Variants in MKI67 observed in about 807,000 individuals in gnomAD.
The protein encoded by MKI67 is proliferation marker protein Ki-67.
In MKI67, 152 loss-of-function variants were observed where a neutral mutation model predicts 233.5. The observed-to-expected ratio is 0.65, with a 90% CI of 0.57 to 0.74. The LOEUF is 0.74. MKI67 is among the 30% of genes least tolerant of loss of function. MKI67 has a pLI of 0.00. For missense variants in MKI67, 3,940 were observed against 3,885.2 expected (o/e 1.01, Z -0.37); for synonymous variants, 1,465 against 1,418.5 (o/e 1.03, Z -0.74).
At chr10:128,118,412 A>AC (rs1244405320) in intron 5 of MKI67, among the ~76,000 whole-genome samples, 1 of 151,904 alleles carries the variant, frequency 6.6e-6, no homozygotes, top group Non-Finnish European at 1.5e-5. Context: ...AAAAAAAAAA[A>AC]AAAAGGCAGA....
chr10:128,114,662 T>C lies in MKI67; in HGVS notation c.1480+266A>G, dbSNP rs972908321. On this transcript the variant is annotated intron_variant, in intron 7 of 14. Coordinates refer to ENST00000368654, the MANE Select transcript of MKI67 (RefSeq NM_002417.5). ...ATAGATGGAGGAGAATCAAATATTT[T>C]TGGGGCCACCCTATCTCCTTCAATA... Among the ~76,000 whole-genome samples, 11 of 152,258 alleles carry C rather than the reference T, an allele frequency of 7.2e-5. No individual in the cohort carries two copies. The East Asian group carries it at 1.3e-3, about 19-fold the overall frequency.
At position 128,111,491 on chromosome 10, in the gene MKI67, A is replaced by G; in HGVS notation, c.2260+154T>C. 14 of 699,930 alleles carry G rather than the reference A, an allele frequency of 2.0e-5. No individual in the cohort carries two copies. In the South Asian group the frequency reaches 3.2e-4, roughly 16 times the overall value. The allele number at this position is 699,930 out of a possible 1,614,324, so 43.4% of individuals were successfully genotyped here. A position where few individuals can be genotyped will look rare whatever the true frequency, so the allele number is the denominator to read the frequency against. ...TGTCTTTGCAAGCCAAAACAGCTTT[A>G]TCTTCCCTGAACACTAAGACCCCAG... On this transcript the variant is annotated intron_variant, in intron 11 of 14. Coordinates refer to ENST00000368654, the MANE Select transcript of MKI67 (RefSeq NM_002417.5).
At chr10:128,117,175 A>T (rs1296199256) in intron 5 of MKI67, among the ~76,000 whole-genome samples, 2 of 152,224 alleles carry the variant, frequency 1.3e-5, no homozygotes. Context: ...AACCAAAGTC[A>T]ATATTAAACA....
At position 128,106,845 on chromosome 10, in the gene MKI67, C is replaced by T. The variant is rs776098988; in HGVS notation, c.4995G>A (p.Glu1665=). The T allele has an allele frequency of 1.9e-5, 31 of 1,613,892 alleles. No homozygotes were observed. Among genetic ancestry groups the T allele is most frequent in the Non-Finnish European group, 2.5e-5 (30 of 1,179,966 alleles). Residue 1665 remains glutamate (E), a synonymous_variant, in exon 13 of 15, where the codon GAG becomes GAA. Coordinates refer to ENST00000368654, the MANE Select transcript of MKI67 (RefSeq NM_002417.5). ...TSGETTHTHT[E]PTGDGKSMKA... is the part of the protein sequence containing the mutation. ...TCATGCTCTTACCATCTCCTGTTGG[C>T]TCTGTGTGTGTGTGTGTAGTCTCTC...
In MKI67 at chr10:128,105,371, T is replaced by A. The variant is rs760405146; in HGVS notation, c.6469A>T (p.Ile2157Phe). The change falls in exon 13 of 15, where the codon ATC (isoleucine) becomes TTC (phenylalanine). Residue 2157 changes from isoleucine to phenylalanine, a missense_variant. Transcript: ENST00000368654. ...DKVPGDEDKG[I>F]NVFRETAKQK... ...TTTGCAGTTTCCCTGAACACGTTGATGCCTTTATCCTCATCTCCTGGTACT... is the reference window on the plus strand; with the variant it reads ...TTTGCAGTTTCCCTGAACACGTTGAAGCCTTTATCCTCATCTCCTGGTACT... 16 of 1,614,104 alleles carry A rather than the reference T, an allele frequency of 9.9e-6. No individual in the cohort carries two copies. In the Admixed American group the frequency reaches 2.7e-4, roughly 27 times the overall value.
rs780245585 is a variant in MKI67 at position 128,115,562 on chromosome 10, C to A, written c.846G>T (p.Gly282=). The change falls in exon 7 of 15, where the codon GGG becomes GGT. Residue 282 remains glycine, a synonymous_variant. Coordinates refer to ENST00000368654, the MANE Select transcript of MKI67 (RefSeq NM_002417.5). ...TACGCGAGACCAACAGTTGGGTCTC[C>A]CCCTGTAAACCATCAGCACTTTCTT... ...TEKESADGLQ[G]ETQLLVSRKS... The A allele has an allele frequency of 6.2e-7, 1 of 1,614,234 alleles. No individual in the cohort carries two copies. Among genetic ancestry groups the A allele is most frequent in the Non-Finnish European group, 8.5e-7 (1 of 1,180,042 alleles).
In MKI67 at chr10:128,119,225, CA is replaced by C. The variant is rs771377706; in HGVS notation, c.354+27del. ...ATGATTTCATATCATCGAAACGAAT[CA>C]GCCCAAACTTGGATATTTTCTATCA... is the stretch of plus-strand genomic sequence containing the variant. On this transcript the variant is annotated intron_variant, in intron 5 of 14. Coordinates refer to ENST00000368654, the MANE Select transcript of MKI67 (RefSeq NM_002417.5). 629 of 1,511,394 alleles carry C rather than the reference CA, an allele frequency of 4.2e-4. 8 individuals are homozygous for C. The Admixed American group carries it at 0.011, about 25-fold the overall frequency. 93.6% of individuals were successfully genotyped at this position (1,511,394 alleles called of 1,614,324 possible).
At chr10:128,118,791 T>C (rs1312701207) in intron 5 of MKI67, among the ~76,000 whole-genome samples, 1 of 152,208 alleles carries the variant, frequency 6.6e-6, no homozygotes, top group Non-Finnish European at 1.5e-5. Flanking sequence ...CAGGATCCCT[T>C]TTCCTGTTTC....
intron 14 of MKI67, 79 bp downstream of exon 14, chr10:128,101,179 T>G: frequency 1.4e-6 from 2 of 1,396,260 alleles, no homozygotes; most frequent in Non-Finnish European, 2.0e-6. Flanking sequence ...ATGCTTTTTG[T>G]TTGCCTTTGC....
In MKI67 at chr10:128,104,622, AGTTTCCACAAATGT is replaced by A. The variant is rs1852431307; in HGVS notation, c.7204_7217del (p.Thr2402SerfsTer22). The A allele has an allele frequency of 6.2e-7, 1 of 1,613,454 alleles. No individual in the cohort carries two copies. The highest frequency in any genetic ancestry group is 1.7e-5 in the Admixed American group (1 of 59,930). On this transcript the variant is annotated frameshift_variant, in exon 13 of 15. Transcript: ENST00000368654. LOFTEE classifies it high-confidence loss of function. ...CTAGCAGGTCCAGTTTCTGCACTGG[AGTTTCCACAAATGT>A]GTTGATATTTTTCTCATCACTTACT...
At chr10:128,102,438 G>T in intron 13 of MKI67, 141 bp downstream of exon 13, 3 of 995,338 alleles carry the variant, frequency 3.0e-6, no homozygotes, top group Non-Finnish European at 4.5e-6. Flanking sequence ...TCTTTACCAT[G>T]GCCTGCAGTT....
In MKI67 at chr10:128,103,794, G is replaced by A. The variant is rs529078093; in HGVS notation, c.8046C>T (p.Phe2682=). ...GACCTGATGTTTCAGAGAGCTCTGT[G>A]AAGCCGGCCAGGTCTTCCAGGGGTT... ...KAQPLEDLAG[F]TELSETSGHT... Residue 2682 remains phenylalanine, a synonymous_variant, in exon 13 of 15, where the codon TTC becomes TTT. Transcript: ENST00000368654. The A allele has an allele frequency of 1.9e-6, 3 of 1,614,030 alleles. No individual in the cohort carries two copies. In the Admixed American group the frequency reaches 5.0e-5, roughly 27 times the overall value.
chr10:128,111,985 A>G lies in MKI67; in HGVS notation c.2030T>C (p.Ile677Thr), dbSNP rs184124160. 3.1e-6 allele frequency: 5 copies of G among 1,613,714 alleles called. No individual in the cohort carries two copies. In the African/African-American group the frequency reaches 5.3e-5, roughly 17 times the overall value. Reference sequence around the variant, plus strand: ...CATTGACCTTTGAGGACCATGTTTTATGACTTTAGTTTGTGTTTGTTTTGC... The same window carrying G: ...CATTGACCTTTGAGGACCATGTTTTGTGACTTTAGTTTGTGTTTGTTTTGC... ...LGAKQTQTKV[I>T]KHGPQRSMNK... The change falls in exon 10 of 15, where the codon ATA becomes ACA. Residue 677 changes from isoleucine to threonine, a missense_variant. By Grantham distance (89) the Ile-to-Thr change is moderately conservative. Transcript: ENST00000368654.
At position 128,105,398 on chromosome 10, in the gene MKI67, T is replaced by G. The variant is rs746023812; in HGVS notation, c.6442A>C (p.Lys2148Gln). The change falls in exon 13 of 15, where the codon AAA (lysine) becomes CAA (glutamine). Residue 2148 changes from lysine to glutamine, a missense_variant. Lys to Gln is a moderately conservative substitution (Grantham distance 53, BLOSUM62 1). Coordinates refer to ENST00000368654, the MANE Select transcript of MKI67 (RefSeq NM_002417.5). ...KQLTQTTHTDKVPGDEDKGIN... is the reference protein window; with the variant it reads ...KQLTQTTHTDQVPGDEDKGIN... ...CCTTTATCCTCATCTCCTGGTACTT[T>G]GTCTGTGTGTGTGGTCTGTGTGAGC... 4 of 1,614,060 alleles carry G rather than the reference T, an allele frequency of 2.5e-6. No individual in the cohort carries two copies. The East Asian group carries it at 6.7e-5, about 27-fold the overall frequency.
At chr10:128,124,580 A>G (rs1853016570) in intron 2 of MKI67, among the ~76,000 whole-genome samples, 1 of 152,138 alleles carries the variant, frequency 6.6e-6, no homozygotes, top group South Asian at 2.1e-4. Context: ...AATGCTAGGT[A>G]TTGATCACAC....
chr10:128,104,133 T>G lies in MKI67; in HGVS notation c.7707A>C (p.Pro2569=), dbSNP rs1852414358. The change falls in exon 13 of 15, where the codon CCA becomes CCC. Residue 2569 remains proline, a synonymous_variant. Coordinates refer to ENST00000368654, the MANE Select transcript of MKI67 (RefSeq NM_002417.5). ...LVDFKELFSA[P]GHTEESMTID... ...TAGTCATTGACTCTTCAGTGTGACC[T>G]GGTGCTGAGAAGAGCTCTTTGAAGT... 4 of 1,614,054 alleles carry G rather than the reference T, an allele frequency of 2.5e-6. No individual in the cohort carries two copies. The highest frequency in any genetic ancestry group is 3.4e-6 in the Non-Finnish European group (4 of 1,180,028).
chr10:128,102,524 G>A, intron 13 of MKI67, 55 bp downstream of exon 13: 3 of 1,572,980 alleles, frequency 1.9e-6, no homozygotes, highest in Non-Finnish European at 2.6e-6. Flanking sequence ...GTATAACACA[G>A]AAATTCACAA....
chr10:128,111,043 A>T (rs1852663890), intron 11 of MKI67, among the ~76,000 whole-genome samples: 1 of 152,232 alleles, frequency 6.6e-6, no homozygotes, highest in African/African-American at 2.4e-5. Context: ...TATCATTATC[A>T]TTCTGTTTGG....
At chr10:128,116,362 A>G (rs1852807998) in intron 6 of MKI67, 129 bp downstream of exon 6, 1 of 835,722 alleles carries the variant, frequency 1.2e-6, no homozygotes, top group African/African-American at 1.7e-5. Flanking sequence ...GACATGTTAA[A>G]TGACACCTCC....
Sources: gnomAD v4.1 joint callset for allele counts (sites outside exome capture counted in the v4.1 genomes callset) on GRCh38, gnomAD v4.1.1 for gene constraint, MANE v1.5 for transcripts, NCBI Gene and HGNC (gene_info 2026-07-23, HGNC 2026-07-21) for gene names.